S100PBP: variants seen among roughly 807,000 people sequenced by gnomAD.
The protein encoded by S100PBP is S100P binding protein, also known as S100P-binding protein.
Under a neutral mutation model 39.9 loss-of-function variants are expected in S100PBP, and 15 were observed. The ratio of observed to expected loss-of-function variants is 0.38; its 90% confidence interval spans 0.25 to 0.58. The LOEUF (loss-of-function observed/expected upper bound fraction) is 0.58. Ranked by LOEUF, S100PBP falls within the 20% of genes least tolerant of loss-of-function variation. The pLI is 0.70. For missense variants in S100PBP, 504 were observed against 487.3 expected, an observed-to-expected ratio of 1.03 and a Z score of -0.32; for synonymous variants, 178 against 180.3, an observed-to-expected ratio of 0.99 and a Z score of 0.10.
chr1:32,834,003 A>C, intron 5 of S100PBP: 1 of 307,958 alleles, frequency 3.2e-6, no homozygotes, highest in Non-Finnish European at 6.8e-6. Flanking sequence ...TCTGGTCAAT[A>C]AATGTTTATG....
intron 5 of S100PBP, among the ~76,000 whole-genome samples, chr1:32,844,700 G>A (rs1557507766): frequency 1.3e-5 from 2 of 151,974 alleles, no homozygotes; most frequent in Admixed American, 1.3e-4. Context: ...GGGATTATGA[G>A]CATGAGCCAC....
intron 1 of S100PBP, among the ~76,000 whole-genome samples, chr1:32,823,889 A>G (rs1483523145): frequency 6.6e-6 from 1 of 152,208 alleles, no homozygotes; most frequent in Non-Finnish European, 1.5e-5. Context: ...TAGCTCAAAA[A>G]ATATCTTCTA....
intron 4 of S100PBP, 49 bp from the exon 5 acceptor site, chr1:32,829,915 C>T: frequency 7.6e-7 from 1 of 1,316,774 alleles, no homozygotes; most frequent in South Asian, 1.2e-5. Context: ...ACGCTATATT[C>T]CTGTTTCTAA....
intron 5 of S100PBP, among the ~76,000 whole-genome samples, chr1:32,834,281 A>G (rs1458564592): frequency 2.6e-5 from 4 of 152,192 alleles, no homozygotes; most frequent in African/African-American, 9.7e-5. Context: ...CAATTTCCTT[A>G]GTTGTCCCAA....
chr1:32,844,676 C>G (rs1356514128), intron 5 of S100PBP, among the ~76,000 whole-genome samples: 1 of 151,954 alleles, frequency 6.6e-6, no homozygotes, highest in Non-Finnish European at 1.5e-5. Context: ...CCAGCTTTGG[C>G]CTCCCAAAGT....
At chr1:32,851,661 A>G (rs931685843) in intron 5 of S100PBP, among the ~76,000 whole-genome samples, 5 of 151,898 alleles carry the variant, frequency 3.3e-5, no homozygotes, top group African/African-American at 1.2e-4. Flanking sequence ...GTGAGACTCC[A>G]TCTCCCACCC....
chr1:32,842,213 ATATATATG>A (rs1162758191), intron 5 of S100PBP, among the ~76,000 whole-genome samples: 6 of 52,718 alleles, frequency 1.1e-4, no homozygotes, highest in East Asian at 4.9e-4. Context: ...ACATATATAT[ATATATATG>A]TATATATATA....
intron 3 of S100PBP, among the ~76,000 whole-genome samples, chr1:32,827,155 C>T (rs908199612): frequency 6.6e-6 from 1 of 152,096 alleles, no homozygotes; most frequent in African/African-American, 2.4e-5. Context: ...ATTATTTAGC[C>T]TCTATGTTTC....
chr1:32,817,394 C>T (rs1454872559), upstream of S100PBP: 4 of 912,662 alleles, frequency 4.4e-6, no homozygotes, highest in African/African-American at 3.3e-5. Flanking sequence ...CTGGACCCCT[C>T]CGGCAGCGGC....
intron 4 of S100PBP, among the ~76,000 whole-genome samples, chr1:32,828,683 A>T (rs774867417): frequency 3.2e-4 from 49 of 152,084 alleles, no homozygotes; most frequent in Non-Finnish European, 2.1e-4. Flanking sequence ...TTGATTATAC[A>T]TTTATTACAT....
At chr1:32,827,537 G>A (rs2148646636) in intron 3 of S100PBP, among the ~76,000 whole-genome samples, 1 of 152,022 alleles carries the variant, frequency 6.6e-6, no homozygotes, top group Middle Eastern at 3.4e-3. Flanking sequence ...AGGCTGCAGT[G>A]CAGTGGCACG....
upstream of S100PBP, chr1:32,817,290 C>CCT (rs1238243478): frequency 6.2e-7 from 1 of 1,610,794 alleles, no homozygotes. Flanking sequence ...CACCAGAGCC[C>CCT]CTTCCTGGGT....
At chr1:32,837,860 A>G (rs1639903296) in intron 5 of S100PBP, among the ~76,000 whole-genome samples, 1 of 152,116 alleles carries the variant, frequency 6.6e-6, no homozygotes, top group South Asian at 2.1e-4. Flanking sequence ...ATATAGATTT[A>G]TCCCTAAGTG....
intron 5 of S100PBP, among the ~76,000 whole-genome samples, chr1:32,840,822 C>CT (rs1364056221): frequency 6.6e-6 from 1 of 152,004 alleles, no homozygotes; most frequent in Non-Finnish European, 1.5e-5. Flanking sequence ...TATTTGCCAC[C>CT]TGTATATCTT....
intron 5 of S100PBP, chr1:32,847,448 G>C (rs1464116254): frequency 6.6e-6 from 1 of 152,104 alleles, no homozygotes; most frequent in Non-Finnish European, 1.5e-5. Context: ...GTTTCTAGTA[G>C]CTTACAGTGA....
chr1:32,838,697 A>T (rs964647289), intron 5 of S100PBP, among the ~76,000 whole-genome samples: 11 of 151,818 alleles, frequency 7.2e-5, no homozygotes, highest in African/African-American at 1.5e-4. Context: ...ACAAAAATTA[A>T]CCAGGCGTGG....
At chr1:32,823,227 C>T (rs1317191407) in intron 1 of S100PBP, among the ~76,000 whole-genome samples, 2 of 151,780 alleles carry the variant, frequency 1.3e-5, no homozygotes, top group African/African-American at 4.8e-5. Flanking sequence ...CCAGAAAGGG[C>T]ATCTAAGAAA....
At chr1:32,828,734 C>T (rs1639456175) in intron 4 of S100PBP, among the ~76,000 whole-genome samples, 1 of 152,176 alleles carries the variant, frequency 6.6e-6, no homozygotes, top group Non-Finnish European at 1.5e-5. Flanking sequence ...GGCGCGGTGG[C>T]TCACACCTGT....
upstream of S100PBP, chr1:32,817,574 C>G (rs1189672967): frequency 1.6e-5 from 8 of 503,578 alleles, no homozygotes; most frequent in South Asian, 9.5e-5. Context: ...TTGCCCTCCC[C>G]CTGGTGTTGG....
Sources: allele counts gnomAD v4.1 joint callset (sites outside exome capture counted in the v4.1 genomes callset), GRCh38; gene constraint gnomAD v4.1.1; transcripts MANE v1.5; gene names NCBI Gene and HGNC (gene_info 2026-07-23, HGNC 2026-07-21).